PTCHD4: variants seen among roughly 807,000 people sequenced by gnomAD.
The protein encoded by PTCHD4 is patched domain containing 4, also known as patched domain-containing protein 4.
Under a neutral mutation model 58.1 loss-of-function variants are expected in PTCHD4, and 33 were observed. The ratio of observed to expected loss-of-function variants is 0.57; its 90% CI spans 0.43 to 0.76. The LOEUF is 0.76. Ranked by LOEUF, PTCHD4 falls within the 30% of genes least tolerant of loss-of-function variation. The pLI is 0.00. For synonymous variants in PTCHD4, 478 were observed against 409.6 expected (o/e 1.17, Z -2.02); for missense variants, 1,058 against 1,027.1 (o/e 1.03, Z -0.41).
At chr6:47,938,347 A>T (rs1766088314) in intron 4 of PTCHD4, among the ~76,000 whole-genome samples, 1 of 152,140 alleles carries the variant, frequency 6.6e-6, no homozygotes, top group South Asian at 2.1e-4. Context: ...AATTTTTCAG[A>T]TGATTCCAAT....
At position 47,865,988 on chromosome 6, in the gene PTCHD4, G is replaced by A. The variant is rs1763554087; in HGVS notation, c.*12315C>T. Among the ~76,000 whole-genome samples, 1 of 151,490 alleles carries A rather than the reference G, an allele frequency of 6.6e-6. No individual in the cohort carries two copies. The highest frequency in any genetic ancestry group is 1.5e-5 in the Non-Finnish European group (1 of 67,706). The stretch of plus-strand genomic sequence containing the variant: ...TTGTTGCATGTTATGGCTTTGCTCA[G>A]TCTGGTCCCGTCACATGGGGTGCTC... On this transcript the variant is annotated 3_prime_UTR_variant, in exon 5 of 5. Transcript: ENST00000339488.
intron 3 of PTCHD4, among the ~76,000 whole-genome samples, chr6:48,012,777 C>T (rs945844367): frequency 1.6e-4 from 24 of 152,096 alleles, no homozygotes; most frequent in African/African-American, 5.6e-4. Flanking sequence ...AAGTTTTTAG[C>T]ATGAAGGGGT....
At chr6:47,904,768 A>G (rs1370168652) in intron 4 of PTCHD4, among the ~76,000 whole-genome samples, 2 of 152,214 alleles carry the variant, frequency 1.3e-5, no homozygotes, top group Admixed American at 1.3e-4. Context: ...AACATTTAGC[A>G]ATCAAAGTTT....
intron 3 of PTCHD4, among the ~76,000 whole-genome samples, chr6:48,031,583 G>A (rs1279326821): frequency 6.6e-6 from 1 of 152,120 alleles, no homozygotes; most frequent in Non-Finnish European, 1.5e-5. Flanking sequence ...AGAGAGTGAA[G>A]AATGTGAGAA....
At chr6:48,092,908 T>G (rs1026048061) in intron 1 of PTCHD4, among the ~76,000 whole-genome samples, 2 of 152,164 alleles carry the variant, frequency 1.3e-5, no homozygotes, top group Admixed American at 1.3e-4. Context: ...ATCATGGTCT[T>G]GTTTGAATTT....
chr6:47,975,271 A>G (rs1767650986), intron 4 of PTCHD4, among the ~76,000 whole-genome samples: 1 of 152,188 alleles, frequency 6.6e-6, no homozygotes. Flanking sequence ...CACTTGAAAA[A>G]TGCTTCCTGT....
Position 47,916,652 on chromosome 6 carries a change from C to T in PTCHD4, c.899-36716G>A, listed in dbSNP as rs1765267041. On this transcript the variant is annotated intron_variant, in intron 4 of 4. Transcript: ENST00000339488. ...AACCCCCAGTTCAGACACACACATA[C>T]ACACACACACACAAACACACACACA... is the stretch of plus-strand genomic sequence containing the variant. Among the ~76,000 whole-genome samples the T allele has an allele frequency of 3.3e-5, 5 of 151,306 alleles. 1 individual carries two copies. In the East Asian group the frequency reaches 7.8e-4, roughly 23 times the overall value.
chr6:47,965,485 A>G (rs986354436), intron 4 of PTCHD4, among the ~76,000 whole-genome samples: 2 of 152,222 alleles, frequency 1.3e-5, no homozygotes, highest in Admixed American at 1.3e-4. Flanking sequence ...CCTTGTTTTA[A>G]TAGGAGTTTA....
chr6:47,936,513 T>C (rs1267652366), intron 4 of PTCHD4, among the ~76,000 whole-genome samples: 1 of 152,242 alleles, frequency 6.6e-6, no homozygotes, highest in Non-Finnish European at 1.5e-5. Flanking sequence ...GAGAAAGTTT[T>C]AGTGACTTGT....
At chr6:48,014,563 C>G (rs907413399) in intron 3 of PTCHD4, among the ~76,000 whole-genome samples, 16 of 152,118 alleles carry the variant, frequency 1.1e-4, no homozygotes, top group African/African-American at 3.6e-4. Flanking sequence ...ATTTGGTTTT[C>G]TTATCTATAA....
rs149836762 is a variant in PTCHD4, at chr6:47,897,297, C to G, written c.899-17361G>C. Among the ~76,000 whole-genome samples the G allele has an allele frequency of 3.1e-3, 469 of 152,310 alleles. 6 individuals carry two copies. The highest frequency in any genetic ancestry group is 0.011 in the African/African-American group (446 of 41,578). Reference sequence around the variant, plus strand: ...TATCAATAGGTTGGCTGCTATTCCTCTAAAACAGTAAGTAAGTGGAATCTC... The same window carrying G: ...TATCAATAGGTTGGCTGCTATTCCTGTAAAACAGTAAGTAAGTGGAATCTC... On this transcript the variant is annotated intron_variant, in intron 4 of 4. Coordinates refer to ENST00000339488, the MANE Select transcript of PTCHD4 (RefSeq NM_001384253.1).
In PTCHD4 at chr6:47,877,402, C is replaced by T. The variant is rs1763874864; in HGVS notation, c.*901G>A. ...AGCAGCCATATCAGTCTTCCAAATA[C>T]AGTAAAAGCCAACGAAAATCCATAT... On this transcript the variant is annotated 3_prime_UTR_variant, in exon 5 of 5. Transcript: ENST00000339488. Among the ~76,000 whole-genome samples, 1 of 152,002 alleles carries T rather than the reference C, an allele frequency of 6.6e-6. No homozygotes were observed. Among genetic ancestry groups the T allele is most frequent in the African/African-American group, 2.4e-5 (1 of 41,412 alleles).
At chr6:47,966,033 T>A (rs922721162) in intron 4 of PTCHD4, among the ~76,000 whole-genome samples, 14 of 152,324 alleles carry the variant, frequency 9.2e-5, no homozygotes, top group South Asian at 4.1e-4. Context: ...AAAATATAAG[T>A]AAGAGATAGA....
At chr6:48,004,345 A>G (rs1006879184) in intron 4 of PTCHD4, among the ~76,000 whole-genome samples, 5 of 152,194 alleles carry the variant, frequency 3.3e-5, no homozygotes, top group Non-Finnish European at 5.9e-5. Flanking sequence ...CAGACTCAGA[A>G]TGGACAAAAA....
At position 48,078,934 on chromosome 6, in the gene PTCHD4, C is replaced by A. The variant is rs568907566; in HGVS notation, c.-969-9008G>T. On this transcript the variant is annotated intron_variant, in intron 1 of 4. Transcript: ENST00000339488. ...GATATCGAGACCATCGTGGCTAACA[C>A]GGTGAAACCCCGTCTCTACTAAAAA... is the stretch of plus-strand genomic sequence containing the variant. Among the ~76,000 whole-genome samples the A allele has an allele frequency of 3.9e-5, 6 of 151,968 alleles. No homozygotes were observed. The South Asian group carries it at 1.2e-3, about 32-fold the overall frequency.
intron 3 of PTCHD4, among the ~76,000 whole-genome samples, chr6:48,015,547 G>C (rs911440810): frequency 2.6e-5 from 4 of 151,848 alleles, no homozygotes; most frequent in Non-Finnish European, 5.9e-5. Flanking sequence ...CATTGCATCA[G>C]CTGTTCCCTC....
At chr6:48,052,098 T>A (rs1764254543) in intron 3 of PTCHD4, among the ~76,000 whole-genome samples, 1 of 152,006 alleles carries the variant, frequency 6.6e-6, no homozygotes, top group South Asian at 2.1e-4. Flanking sequence ...GAGAATAGTA[T>A]TCATTGAAAT....
At chr6:48,081,000 C>T (rs1475126421) in intron 1 of PTCHD4, among the ~76,000 whole-genome samples, 1 of 152,058 alleles carries the variant, frequency 6.6e-6, no homozygotes, top group African/African-American at 2.4e-5. Context: ...AGTGTAAATG[C>T]AGGGGCAGAA....
intron 4 of PTCHD4, among the ~76,000 whole-genome samples, chr6:47,904,692 T>C (rs1475037317): frequency 6.6e-6 from 1 of 152,210 alleles, no homozygotes; most frequent in Admixed American, 6.5e-5. Flanking sequence ...TATGAAAATA[T>C]GATTAGTCTT....
Sources: allele counts gnomAD v4.1 joint callset (sites outside exome capture counted in the v4.1 genomes callset), GRCh38; gene constraint gnomAD v4.1.1; transcripts MANE v1.5; gene names NCBI Gene and HGNC (gene_info 2026-07-23, HGNC 2026-07-21).